Variants in AVEN observed in about 807,000 individuals in gnomAD.
AVEN encodes apoptosis and caspase activation inhibitor.
Under a neutral mutation model 38.1 loss-of-function variants are expected in AVEN, and 41 were observed. That is an observed-to-expected ratio of 1.08 (90% CI 0.84 to 1.40). The LOEUF (loss-of-function observed/expected upper bound fraction) is 1.40, where lower values mean the gene tolerates loss of function less well. Among genes scored for constraint, AVEN ranks in the 40% most tolerant of loss-of-function variants. The pLI, the probability that AVEN is intolerant of heterozygous loss-of-function variation, is 0.00. For missense variants in AVEN, 605 were observed against 438.8 expected (o/e 1.38, Z -3.38); for synonymous variants, 206 against 171.8 (o/e 1.20, Z -1.56).
At chr15:34,073,788 T>C (rs2140859652) in intron 1 of AVEN, among the ~76,000 whole-genome samples, 1 of 151,966 alleles carries the variant, frequency 6.6e-6, no homozygotes, top group East Asian at 2.0e-4. Flanking sequence ...CCCAAAGTGT[T>C]GGGATTACAG....
chr15:33,854,034 A>G (rs11856108), downstream of AVEN, among the ~76,000 whole-genome samples: 7,382 of 152,048 alleles, frequency 0.049, 571 homozygotes, highest in African/African-American at 0.16. Flanking sequence ...TCTACTAATA[A>G]TATTTTTAAA....
chr15:33,963,207 C>T (rs971101763), intron 2 of AVEN, among the ~76,000 whole-genome samples: 1 of 152,138 alleles, frequency 6.6e-6, no homozygotes, highest in Non-Finnish European at 1.5e-5. Context: ...AAGCATCTGC[C>T]CTCTCTGTGC....
chr15:33,881,140 G>C (rs1891469261), intron 2 of AVEN, among the ~76,000 whole-genome samples: 1 of 152,166 alleles, frequency 6.6e-6, no homozygotes, highest in Admixed American at 6.5e-5. Context: ...CCTGGCTGGA[G>C]TGCAGTGGCA....
chr15:33,919,676 A>T (rs1008256850), intron 2 of AVEN, among the ~76,000 whole-genome samples: 3 of 152,236 alleles, frequency 2.0e-5, no homozygotes, highest in Admixed American at 2.0e-4. Context: ...GGAAAAGAAG[A>T]GCAAGCCAAA....
chr15:33,861,653 C>G (rs1414903198), downstream of AVEN, among the ~76,000 whole-genome samples: 1 of 152,156 alleles, frequency 6.6e-6, no homozygotes, highest in African/African-American at 2.4e-5. Flanking sequence ...AGGCTTTCCT[C>G]CCACTACATC....
intron 2 of AVEN, among the ~76,000 whole-genome samples, chr15:33,895,682 C>A (rs1051036787): frequency 3.3e-5 from 5 of 152,074 alleles, no homozygotes; most frequent in Non-Finnish European, 7.4e-5. Context: ...GGTTTACCTA[C>A]CTCCAATATA....
chr15:33,875,186 C>T (rs1275616204), intron 3 of AVEN, among the ~76,000 whole-genome samples: 1 of 152,110 alleles, frequency 6.6e-6, no homozygotes, highest in Non-Finnish European at 1.5e-5. Flanking sequence ...CTACGGGCTT[C>T]GGGTCTGCAG....
rs923507503 is a variant in AVEN at position 33,861,032 on chromosome 15, C to G, written n.2730-1938G>C. The G allele has an allele frequency of 6.7e-6, 9 of 1,350,110 alleles. No individual in the cohort carries two copies. The Admixed American group carries it at 1.8e-4, about 27-fold the overall frequency. The allele number at this position is 1,350,110 out of a possible 1,614,324, so 83.6% of individuals were successfully genotyped here. A position where few individuals can be genotyped will look rare whatever the true frequency, so the allele number is the denominator to read the frequency against. ...GAATCATGACAGTTTTCTCTCCTGCCTATATTATGCCAACAAATGCCTTTT... is the reference window on the plus strand; with the variant it reads ...GAATCATGACAGTTTTCTCTCCTGCGTATATTATGCCAACAAATGCCTTTT... On this transcript the variant is annotated intron_variant and non_coding_transcript_variant, in intron 11 of 11. Coordinates refer to the AVEN transcript ENST00000675287.
At chr15:34,019,224 T>C (rs1898100713) in intron 1 of AVEN, among the ~76,000 whole-genome samples, 1 of 152,232 alleles carries the variant, frequency 6.6e-6, no homozygotes, top group South Asian at 2.1e-4. Flanking sequence ...CCTAGGCTAA[T>C]GGATGTAATT....
chr15:33,855,386 T>G (rs187798324), downstream of AVEN, among the ~76,000 whole-genome samples: 19 of 152,302 alleles, frequency 1.2e-4, no homozygotes, highest in East Asian at 3.5e-3. Flanking sequence ...GTATTTTTAG[T>G]AGAGACGGGG....
intron 2 of AVEN, among the ~76,000 whole-genome samples, chr15:33,922,496 C>A (rs1795385736): frequency 6.6e-6 from 1 of 152,134 alleles, no homozygotes; most frequent in South Asian, 2.1e-4. Flanking sequence ...AATGCAATGG[C>A]ATGATCATGA....
chr15:33,946,852 C>T (rs1293469955), intron 2 of AVEN, among the ~76,000 whole-genome samples: 2 of 152,118 alleles, frequency 1.3e-5, no homozygotes, highest in African/African-American at 2.4e-5. Context: ...AGTGCGGGCT[C>T]GGTCACAGGA....
chr15:33,928,057 C>A (rs74990877), intron 2 of AVEN, among the ~76,000 whole-genome samples: 1 of 152,186 alleles, frequency 6.6e-6, no homozygotes, highest in Non-Finnish European at 1.5e-5. Flanking sequence ...TATAAAGAAG[C>A]TAATCCATGC....
intron 2 of AVEN, among the ~76,000 whole-genome samples, chr15:33,937,801 C>T (rs1259189101): frequency 6.6e-6 from 1 of 151,942 alleles, no homozygotes; most frequent in Non-Finnish European, 1.5e-5. Context: ...TCTCACCAGA[C>T]AACAACCCTT....
intron 2 of AVEN, among the ~76,000 whole-genome samples, chr15:33,897,034 T>C (rs1892260409): frequency 6.6e-6 from 1 of 152,118 alleles, no homozygotes; most frequent in Non-Finnish European, 1.5e-5. Context: ...GAATCGCCAA[T>C]GCATTATGCA....
chr15:33,944,950 T>C (rs1894455421), intron 2 of AVEN, among the ~76,000 whole-genome samples: 1 of 152,188 alleles, frequency 6.6e-6, no homozygotes, highest in Non-Finnish European at 1.5e-5. Context: ...GCACGGACTC[T>C]CCACAGCAAT....
At chr15:33,893,871 A>G (rs926940483) in intron 2 of AVEN, among the ~76,000 whole-genome samples, 1 of 152,178 alleles carries the variant, frequency 6.6e-6, no homozygotes, top group African/African-American at 2.4e-5. Flanking sequence ...TGTTCCATCA[A>G]TTCATCAGTG....
chr15:34,015,711 G>C (rs1417398479), intron 1 of AVEN, among the ~76,000 whole-genome samples: 1 of 151,984 alleles, frequency 6.6e-6, no homozygotes, highest in Non-Finnish European at 1.5e-5. Context: ...CAGACAAAAA[G>C]GTAAACCAAC....
intron 2 of AVEN, among the ~76,000 whole-genome samples, chr15:33,968,159 A>T (rs1193131304): frequency 6.6e-6 from 1 of 151,026 alleles, no homozygotes; most frequent in Non-Finnish European, 1.5e-5. Context: ...GGAAAAAATG[A>T]ACATTTTCAA....
Sources: allele counts gnomAD v4.1 joint callset (sites outside exome capture counted in the v4.1 genomes callset), GRCh38; gene constraint gnomAD v4.1.1; transcripts MANE v1.5; gene names NCBI Gene and HGNC (gene_info 2026-07-23, HGNC 2026-07-21).